ANKS1B: variants seen among roughly 807,000 people sequenced by gnomAD.
ANKS1B encodes ankyrin repeat and sterile alpha motif domain containing 1B, also known as ankyrin repeat and sterile alpha motif domain-containing protein 1B.
A neutral mutation model predicts 148.3 loss-of-function variants in ANKS1B; 36 were observed. The observed-to-expected ratio is 0.24, with a 90% CI of 0.19 to 0.32. The LOEUF (loss-of-function observed/expected upper bound fraction) is 0.32. Ranked by LOEUF, ANKS1B falls within the 10% of genes least tolerant of loss-of-function variation. The probability of loss-of-function intolerance (pLI) is 1.00; values close to 1 mark genes in which losing one functional copy is unlikely to be tolerated. For synonymous variants in ANKS1B, 542 were observed against 560.8 expected, an observed-to-expected ratio of 0.97 and a Z score of 0.47; for missense variants, 1,157 against 1,542.6, an observed-to-expected ratio of 0.75 and a Z score of 4.19.
intron 12 of ANKS1B, among the ~76,000 whole-genome samples, chr12:99,358,755 T>C (rs934445915): frequency 6.6e-5 from 10 of 152,020 alleles, no homozygotes; most frequent in African/African-American, 2.4e-4. Context: ...ACAAATATTA[T>C]AGAATGCCCT....
intron 1 of ANKS1B, among the ~76,000 whole-genome samples, chr12:99,948,379 A>T (rs79731289): frequency 7.4e-5 from 6 of 81,204 alleles, no homozygotes; most frequent in South Asian, 3.5e-4. Context: ...AGAAAGAATT[A>T]AAAAAAAAAA....
At chr12:98,841,465 T>C (rs2099405503) in intron 17 of ANKS1B, among the ~76,000 whole-genome samples, 2 of 152,134 alleles carry the variant, frequency 1.3e-5, no homozygotes, top group South Asian at 2.1e-4. Flanking sequence ...GCAGACAGAA[T>C]AGTGAAAGAG....
At chr12:99,742,491 G>C (rs1263500630) in intron 8 of ANKS1B, among the ~76,000 whole-genome samples, 6 of 152,050 alleles carry the variant, frequency 3.9e-5, no homozygotes, top group Admixed American at 1.3e-4. Context: ...GTATGTCACT[G>C]TTTATTAAAG....
chr12:98,967,768 A>G (rs2099879748), intron 17 of ANKS1B, among the ~76,000 whole-genome samples: 2 of 151,424 alleles, frequency 1.3e-5, no homozygotes, highest in South Asian at 2.1e-4. Context: ...AAAAAAAAAA[A>G]AAAGAAATGA....
chr12:99,937,392 A>C (rs1423959676), intron 1 of ANKS1B, among the ~76,000 whole-genome samples: 1 of 152,220 alleles, frequency 6.6e-6, no homozygotes, highest in Admixed American at 6.5e-5. Context: ...GTATACACAT[A>C]ATTAATATTT....
chr12:99,198,848 G>C (rs543050553), intron 14 of ANKS1B, among the ~76,000 whole-genome samples: 2 of 152,244 alleles, frequency 1.3e-5, no homozygotes, highest in South Asian at 2.1e-4. Flanking sequence ...GGTCTAACCT[G>C]TGTGACCAAT....
chr12:99,422,100 A>G (rs1050838051), intron 11 of ANKS1B, among the ~76,000 whole-genome samples: 2 of 152,302 alleles, frequency 1.3e-5, no homozygotes, highest in African/African-American at 4.8e-5. Flanking sequence ...TTTATAAATT[A>G]CCCAGCAAAG....
At chr12:99,641,721 T>C (rs2098308708) in intron 9 of ANKS1B, among the ~76,000 whole-genome samples, 3 of 152,176 alleles carry the variant, frequency 2.0e-5, no homozygotes, top group Admixed American at 2.0e-4. Context: ...ATCAAAATGA[T>C]ATCAATTGAA....
At chr12:99,098,546 A>T (rs1334598597) in intron 15 of ANKS1B, among the ~76,000 whole-genome samples, 1 of 148,354 alleles carries the variant, frequency 6.7e-6, no homozygotes, top group South Asian at 2.1e-4. Context: ...ATATGGTGAC[A>T]TAATGTTTAT....
chr12:99,525,375 A>C lies in ANKS1B; in HGVS notation c.1273-20734T>G, dbSNP rs528795678. On this transcript the variant is annotated intron_variant, in intron 9 of 26. Transcript: ENST00000683438. The stretch of plus-strand genomic sequence containing the variant: ...AACTTAGTTCTTGACAAGTAAGCCT[A>C]AAGTGCATTTGGAAAAATAAATGTG... Among the ~76,000 whole-genome samples the C allele has an allele frequency of 3.9e-5, 6 of 152,344 alleles. No homozygotes were observed. The South Asian group carries it at 6.2e-4, about 16-fold the overall frequency.
At chr12:99,039,116 A>G (rs925905738) in intron 17 of ANKS1B, among the ~76,000 whole-genome samples, 8 of 152,250 alleles carry the variant, frequency 5.3e-5, no homozygotes, top group African/African-American at 1.4e-4. Context: ...TAAATACTAC[A>G]TATACTTCTT....
At chr12:99,695,494 T>C (rs1599876350) in intron 8 of ANKS1B, among the ~76,000 whole-genome samples, 1 of 152,228 alleles carries the variant, frequency 6.6e-6, no homozygotes, top group East Asian at 1.9e-4. Flanking sequence ...ATTGATTCTT[T>C]TCTCCTGAGA....
At chr12:99,830,504 A>T (rs1434460312) in intron 1 of ANKS1B, among the ~76,000 whole-genome samples, 1 of 152,082 alleles carries the variant, frequency 6.6e-6, no homozygotes, top group Non-Finnish European at 1.5e-5. Flanking sequence ...CATACTACCA[A>T]TTATGAAAGC....
In ANKS1B at chr12:99,655,197, G is replaced by T; in HGVS notation, c.1142C>A (p.Thr381Lys). 1 of 1,608,466 alleles carries T rather than the reference G, an allele frequency of 6.2e-7. No individual in the cohort carries two copies. Among genetic ancestry groups the T allele is most frequent in the Non-Finnish European group, 8.5e-7 (1 of 1,176,774 alleles). The change falls in exon 9 of 27, where the codon ACA becomes AAA. Residue 381 changes from threonine to lysine, a missense_variant. Thr to Lys is a moderately conservative substitution (Grantham distance 78). Coordinates refer to ENST00000683438, the MANE Select transcript of ANKS1B (RefSeq NM_001352186.2). ...CACTTCTCCTGGTGACAAATTGATTGTAGATGAGGTTCTCTGAAATTAAAT... is the reference window on the plus strand; with the variant it reads ...CACTTCTCCTGGTGACAAATTGATTTTAGATGAGGTTCTCTGAAATTAAAT... ...NGSQSVRTSS[T>K]INLSPGEVEE...
At chr12:99,635,606 G>C (rs911828602) in intron 9 of ANKS1B, among the ~76,000 whole-genome samples, 11 of 151,978 alleles carry the variant, frequency 7.2e-5, no homozygotes, top group African/African-American at 2.7e-4. Flanking sequence ...ATAGGGGGAG[G>C]AATAAATAGA....
At chr12:99,405,639 C>CA (rs1186814998) in intron 11 of ANKS1B, among the ~76,000 whole-genome samples, 5 of 143,810 alleles carry the variant, frequency 3.5e-5, no homozygotes, top group Middle Eastern at 6.9e-3. Flanking sequence ...GGAGATCACA[C>CA]AAAAAACTAG....
chr12:98,995,343 C>A (rs1175154752), intron 17 of ANKS1B, among the ~76,000 whole-genome samples: 2 of 152,084 alleles, frequency 1.3e-5, no homozygotes, highest in Non-Finnish European at 2.9e-5. Flanking sequence ...GTAATCCCAG[C>A]ACTTTGGGAG....
intron 14 of ANKS1B, among the ~76,000 whole-genome samples, chr12:99,192,706 G>A (rs11836190): frequency 0.071 from 10,748 of 151,906 alleles, 1,228 homozygotes; most frequent in African/African-American, 0.24. Context: ...AAAGCATGAC[G>A]TCAACCATCT....
Position 98,836,847 on chromosome 12 carries a change from G to A in ANKS1B, c.2779-4711C>T, listed in dbSNP as rs56729518. ...CTAAGATGTTGAAGCAATTCAGTTC[G>A]GCTCAAAAAACAATACTGAATTTCT... On this transcript the variant is annotated intron_variant, in intron 17 of 26. Transcript: ENST00000683438. Among the ~76,000 whole-genome samples the A allele has an allele frequency of 4.0e-3, 606 of 152,096 alleles. 1 individual carries two copies. The highest frequency in any genetic ancestry group is 0.014 in the African/African-American group (570 of 41,478).
Sources: gnomAD v4.1 joint callset for allele counts (sites outside exome capture counted in the v4.1 genomes callset) on GRCh38, gnomAD v4.1.1 for gene constraint, MANE v1.5 for transcripts, NCBI Gene and HGNC (gene_info 2026-07-23, HGNC 2026-07-21) for gene names.